The following EPM2A variants were observed in gnomAD, a reference collection of about 807,000 sequenced individuals.
EPM2A encodes laforin.
EPM2A carries 21 observed loss-of-function variants against 26.5 expected under a neutral mutation model. The ratio of observed to expected loss-of-function variants is 0.79; its 90% confidence interval spans 0.56 to 1.14. The LOEUF (loss-of-function observed/expected upper bound fraction) is 1.14, where lower values mean the gene tolerates loss of function less well. EPM2A is among the 50% of genes most tolerant of loss of function. EPM2A has a pLI of 0.00. For missense variants in EPM2A, 458 were observed against 440.8 expected, an observed-to-expected ratio of 1.04 and a Z score of -0.35; for synonymous variants, 217 against 177.6, an observed-to-expected ratio of 1.22 and a Z score of -1.76.
At chr6:145,460,266 T>G (rs1307976870) in intron 4 of EPM2A, among the ~76,000 whole-genome samples, 1 of 152,124 alleles carries the variant, frequency 6.6e-6, no homozygotes, top group East Asian at 1.9e-4. Context: ...TATTCAAATA[T>G]CAATGGAAAT....
At chr6:145,562,422 A>G (rs977439889) in intron 2 of EPM2A, among the ~76,000 whole-genome samples, 2 of 152,212 alleles carry the variant, frequency 1.3e-5, no homozygotes, top group African/African-American at 4.8e-5. Flanking sequence ...AGACAAAACA[A>G]ATACCAAAGG....
intron 4 of EPM2A, among the ~76,000 whole-genome samples, chr6:145,404,428 G>T: frequency 6.7e-6 from 1 of 148,530 alleles, no homozygotes; most frequent in Admixed American, 6.8e-5. Flanking sequence ...TTTTTTAAAT[G>T]TGTATATGCG....
intron 2 of EPM2A, among the ~76,000 whole-genome samples, chr6:145,563,177 T>C (rs143185072): frequency 2.4e-4 from 36 of 151,684 alleles, no homozygotes; most frequent in African/African-American, 8.7e-4. Context: ...GGCTGTATGG[T>C]TCGACATTTC....
chr6:145,403,805 G>A (rs1158938892), intron 4 of EPM2A, among the ~76,000 whole-genome samples: 1 of 152,060 alleles, frequency 6.6e-6, no homozygotes, highest in Non-Finnish European at 1.5e-5. Context: ...GGATCATGTG[G>A]TAGCTCAATT....
chr6:145,541,284 T>TA (rs987223040), intron 2 of EPM2A, among the ~76,000 whole-genome samples: 1 of 149,608 alleles, frequency 6.7e-6, no homozygotes, highest in African/African-American at 2.4e-5. Context: ...TGTATATATA[T>TA]AAAAAACACC....
chr6:145,428,842 A>G (rs1211980882), intron 4 of EPM2A, among the ~76,000 whole-genome samples: 2 of 152,204 alleles, frequency 1.3e-5, no homozygotes, highest in Non-Finnish European at 1.5e-5. Context: ...AGAGGCAGAC[A>G]CTGTATTTTC....
intron 4 of EPM2A, among the ~76,000 whole-genome samples, chr6:145,453,197 A>C (rs150006532): frequency 1.3e-5 from 2 of 152,326 alleles, no homozygotes; most frequent in Non-Finnish European, 2.9e-5. Context: ...TATGCCCAGA[A>C]CAGCGTAATG....
intron 4 of EPM2A, among the ~76,000 whole-genome samples, chr6:145,443,465 C>T (rs1442340275): frequency 6.6e-6 from 1 of 152,006 alleles, no homozygotes; most frequent in Non-Finnish European, 1.5e-5. Context: ...TAACTGTATT[C>T]CTAGACATTT....
At chr6:145,457,257 G>A (rs1334835725) in intron 4 of EPM2A, among the ~76,000 whole-genome samples, 1 of 152,080 alleles carries the variant, frequency 6.6e-6, no homozygotes, top group South Asian at 2.1e-4. Flanking sequence ...CACTTTGGGA[G>A]GCTGAGGTGG....
At chr6:145,396,327 C>A (rs987729933) in intron 4 of EPM2A, among the ~76,000 whole-genome samples, 1 of 152,130 alleles carries the variant, frequency 6.6e-6, no homozygotes, top group Non-Finnish European at 1.5e-5. Flanking sequence ...GATCTCTTCT[C>A]CAGACTCTCA....
intron 2 of EPM2A, among the ~76,000 whole-genome samples, chr6:145,654,120 T>C (rs1030948623): frequency 2.3e-4 from 35 of 152,208 alleles, no homozygotes; most frequent in Non-Finnish European, 4.0e-4. Context: ...ATCTCAGAAC[T>C]CACTGTATAT....
chr6:145,420,937 G>T (rs567076122), intron 4 of EPM2A, among the ~76,000 whole-genome samples: 18 of 152,076 alleles, frequency 1.2e-4, no homozygotes, highest in African/African-American at 3.9e-4. Context: ...GGCACTAAAT[G>T]GCATTAATCC....
intron 2 of EPM2A, among the ~76,000 whole-genome samples, chr6:145,590,355 T>C (rs1320413509): frequency 6.6e-6 from 1 of 151,872 alleles, no homozygotes; most frequent in Non-Finnish European, 1.5e-5. Context: ...TACCAGAGCC[T>C]AATACACCTG....
At chr6:145,425,100 C>T (rs565886764) in intron 4 of EPM2A, among the ~76,000 whole-genome samples, 1 of 121,668 alleles carries the variant, frequency 8.2e-6, no homozygotes, top group South Asian at 2.6e-4. Flanking sequence ...CAATTAGTAG[C>T]TTTGGATGTA....
intron 2 of EPM2A, among the ~76,000 whole-genome samples, chr6:145,536,396 A>G (rs1481188806): frequency 1.3e-5 from 2 of 152,106 alleles, no homozygotes; most frequent in East Asian, 3.9e-4. Context: ...CCCAGGTTGA[A>G]GCAAGTCTCC....
intron 1 of EPM2A, among the ~76,000 whole-genome samples, chr6:145,705,277 T>C (rs1392463699): frequency 6.6e-6 from 1 of 152,140 alleles, no homozygotes; most frequent in Non-Finnish European, 1.5e-5. Context: ...GGTGAAACCC[T>C]GTCTCTACCA....
chr6:145,630,266 T>C (rs1776149678), intron 3 of EPM2A: 1 of 152,130 alleles, frequency 6.6e-6, no homozygotes, highest in Non-Finnish European at 1.5e-5. Flanking sequence ...CACTCAACCA[T>C]TGCACTGAAG....
At chr6:145,401,455 C>T (rs1488329930) in intron 4 of EPM2A, among the ~76,000 whole-genome samples, 1 of 152,038 alleles carries the variant, frequency 6.6e-6, no homozygotes, top group African/African-American at 2.4e-5. Context: ...CTTGTTGATG[C>T]TCAGAATGTA....
chr6:145,520,560 C>T (rs62438167), intron 2 of EPM2A, among the ~76,000 whole-genome samples: 5,857 of 152,268 alleles, frequency 0.038, 172 homozygotes, highest in Admixed American at 0.098. Flanking sequence ...GAAATAGAGA[C>T]ACGTTATTTT....
Sources: allele counts gnomAD v4.1 joint callset (sites outside exome capture counted in the v4.1 genomes callset), GRCh38; gene constraint gnomAD v4.1.1; transcripts MANE v1.5; gene names NCBI Gene and HGNC (gene_info 2026-07-23, HGNC 2026-07-21).